ARHGAP15: variants seen among roughly 807,000 people sequenced by gnomAD.
ARHGAP15 encodes the protein rho GTPase-activating protein 15.
ARHGAP15 carries 51 observed loss-of-function variants against 63.7 expected under a neutral mutation model. That is an observed-to-expected ratio of 0.80 (90% CI 0.64 to 1.01). The LOEUF (loss-of-function observed/expected upper bound fraction) is 1.01. ARHGAP15 is among the 50% of genes least tolerant of loss of function. The pLI is 0.00. For missense variants in ARHGAP15, 560 were observed against 564.6 expected (o/e 0.99, Z 0.08); for synonymous variants, 191 against 193.8 (o/e 0.99, Z 0.12).
chr2:143,445,153 A>ATTTTTTTTTTTTTTTTTTT (rs10671306), intron 8 of ARHGAP15, among the ~76,000 whole-genome samples: 1 of 74,424 alleles, frequency 1.3e-5, no homozygotes, highest in Non-Finnish European at 2.3e-5. Flanking sequence ...AAGAACAATT[A>ATTTTTTTTTTTTTTTTTTT]TTTTTTTTTT....
chr2:143,166,001 AGAAG>A (rs1553442877), intron 2 of ARHGAP15, among the ~76,000 whole-genome samples: 45 of 101,166 alleles, frequency 4.4e-4, no homozygotes, highest in African/African-American at 1.8e-3. Flanking sequence ...AAAGAAAGAA[AGAAG>A]GAAGGAAGGA....
At chr2:143,701,555 G>A (rs1299151090) in intron 12 of ARHGAP15, among the ~76,000 whole-genome samples, 1 of 152,100 alleles carries the variant, frequency 6.6e-6, no homozygotes, top group African/African-American at 2.4e-5. Flanking sequence ...GCATCATAAG[G>A]AGACCCTTTC....
chr2:143,624,128 C>T lies in ARHGAP15; in HGVS notation c.1004-5C>T, dbSNP rs1371167999. ...GTTGTTCCATTTCTCCTCGTGTTTT[C>T]CCAGAAGAGAAGCTGAATTTGGACG... On this transcript the variant is annotated splice_polypyrimidine_tract_variant and splice_region_variant and intron_variant, in intron 11 of 13. Coordinates refer to ENST00000295095, the MANE Select transcript of ARHGAP15 (RefSeq NM_018460.4). 1 of 1,612,878 alleles carries T rather than the reference C, an allele frequency of 6.2e-7. No individual in the cohort carries two copies. Among genetic ancestry groups the T allele is most frequent in the Non-Finnish European group, 8.5e-7 (1 of 1,179,232 alleles).
intron 6 of ARHGAP15, among the ~76,000 whole-genome samples, chr2:143,403,612 A>C (rs190890147): frequency 6.6e-5 from 10 of 152,052 alleles, no homozygotes; most frequent in African/African-American, 1.9e-4. Context: ...ATAATACATA[A>C]TAATGGAGAA....
intron 11 of ARHGAP15, chr2:143,597,814 C>T (rs533226411): frequency 6.6e-6 from 1 of 152,234 alleles, no homozygotes; most frequent in African/African-American, 2.4e-5. Context: ...GCTGCCATAA[C>T]AAAACACTTA....
In ARHGAP15 at chr2:143,701,155, G is replaced by A. The variant is rs968941353; in HGVS notation, c.1139-2264G>A. Among the ~76,000 whole-genome samples, 4 of 152,064 alleles carry A rather than the reference G, an allele frequency of 2.6e-5. No homozygotes were observed. In the East Asian group the frequency reaches 7.7e-4, roughly 29 times the overall value. On this transcript the variant is annotated intron_variant, in intron 12 of 13. Transcript: ENST00000295095. Reference sequence around the variant, plus strand: ...TAGAAGGAAAAAGAAAAGCTTCCAAGCAGAGTTCTACTAGGAAGACTGCCC... The same window carrying A: ...TAGAAGGAAAAAGAAAAGCTTCCAAACAGAGTTCTACTAGGAAGACTGCCC...
At chr2:143,399,957 A>G (rs1687925197) in intron 6 of ARHGAP15, among the ~76,000 whole-genome samples, 1 of 152,092 alleles carries the variant, frequency 6.6e-6, no homozygotes, top group African/African-American at 2.4e-5. Context: ...ATCTGTTGCA[A>G]TTTGACTCCA....
chr2:143,353,047 ATAAACAATT>A (rs1685641257), intron 6 of ARHGAP15, among the ~76,000 whole-genome samples: 1 of 152,220 alleles, frequency 6.6e-6, no homozygotes, highest in African/African-American at 2.4e-5. Flanking sequence ...ATAACACTTT[ATAAACAATT>A]TAAAGAAACT....
At chr2:143,577,822 A>G (rs993076112) in intron 11 of ARHGAP15, among the ~76,000 whole-genome samples, 2 of 152,152 alleles carry the variant, frequency 1.3e-5, no homozygotes, top group African/African-American at 2.4e-5. Flanking sequence ...AGAATTCAGG[A>G]ACTGCAGTAT....
intron 6 of ARHGAP15, among the ~76,000 whole-genome samples, chr2:143,393,912 C>T (rs1005278896): frequency 2.6e-5 from 4 of 152,086 alleles, no homozygotes; most frequent in Non-Finnish European, 5.9e-5. Context: ...GCAAGCAATA[C>T]TTCTCAGTAA....
chr2:143,680,021 T>TAAAAAA (rs55927433), intron 12 of ARHGAP15, among the ~76,000 whole-genome samples: 2 of 101,626 alleles, frequency 2.0e-5, no homozygotes, highest in African/African-American at 9.0e-5. Context: ...AGTAAATGAT[T>TAAAAAA]AAAAAAAAAA....
chr2:143,448,695 G>A (rs1314646881), intron 8 of ARHGAP15, among the ~76,000 whole-genome samples: 1 of 151,732 alleles, frequency 6.6e-6, no homozygotes, highest in Non-Finnish European at 1.5e-5. Context: ...CATTCTTTCA[G>A]GAGCCTACTA....
chr2:143,756,300 A>C (rs1686574178), intron 13 of ARHGAP15, among the ~76,000 whole-genome samples: 1 of 152,204 alleles, frequency 6.6e-6, no homozygotes, highest in Admixed American at 6.5e-5. Flanking sequence ...AATTAGGTGC[A>C]TTATTCTGCT....
chr2:143,171,028 G>A (rs1452939183), intron 2 of ARHGAP15, among the ~76,000 whole-genome samples: 2 of 151,888 alleles, frequency 1.3e-5, no homozygotes, highest in East Asian at 3.9e-4. Flanking sequence ...AATTTCTGGA[G>A]AAAACATTCC....
At chr2:143,438,013 C>T (rs1689688844) in intron 8 of ARHGAP15, among the ~76,000 whole-genome samples, 1 of 152,118 alleles carries the variant, frequency 6.6e-6, no homozygotes, top group African/African-American at 2.4e-5. Context: ...GGCAACAAAG[C>T]AAGACTCTGT....
At chr2:143,199,416 T>A (rs934215161) in intron 2 of ARHGAP15, among the ~76,000 whole-genome samples, 19 of 152,174 alleles carry the variant, frequency 1.2e-4, no homozygotes, top group Non-Finnish European at 8.8e-5. Flanking sequence ...TTCTCTTAAG[T>A]ATAAAATTAT....
At chr2:143,194,865 CAT>C (rs1414591172) in intron 2 of ARHGAP15, among the ~76,000 whole-genome samples, 2 of 152,092 alleles carry the variant, frequency 1.3e-5, no homozygotes, top group Admixed American at 6.5e-5. Flanking sequence ...TTGTGGAACA[CAT>C]GTGTTTGGGA....
chr2:143,697,870 C>T (rs983308882), intron 12 of ARHGAP15, among the ~76,000 whole-genome samples: 4 of 152,228 alleles, frequency 2.6e-5, no homozygotes, highest in African/African-American at 4.8e-5. Flanking sequence ...TAACTAAATT[C>T]GGAAATGGCC....
At chr2:143,452,302 G>T (rs1012637802) in intron 8 of ARHGAP15, among the ~76,000 whole-genome samples, 10 of 152,030 alleles carry the variant, frequency 6.6e-5, no homozygotes, top group African/African-American at 9.6e-5. Context: ...CTTTGATATA[G>T]GTAGGATCTG....
Sources: gnomAD v4.1 joint callset for allele counts (sites outside exome capture counted in the v4.1 genomes callset) on GRCh38, gnomAD v4.1.1 for gene constraint, MANE v1.5 for transcripts, NCBI Gene and HGNC (gene_info 2026-07-23, HGNC 2026-07-21) for gene names.